Variants in GHR observed in about 807,000 individuals in gnomAD.
GHR encodes the protein growth hormone receptor.
In GHR, 35 loss-of-function variants were observed where a neutral mutation model predicts 67.1. The ratio of observed to expected loss-of-function variants is 0.52; its 90% CI spans 0.40 to 0.69. The LOEUF (loss-of-function observed/expected upper bound fraction) is 0.69. Among genes scored for constraint, GHR ranks in the 30% least tolerant of loss-of-function variants. The probability of loss-of-function intolerance (pLI) is 0.00; values close to 1 mark genes in which losing one functional copy is unlikely to be tolerated. For missense variants in GHR, 792 were observed against 764.6 expected (o/e 1.04, Z -0.42); for synonymous variants, 272 against 269.1 (o/e 1.01, Z -0.10).
chr5:42,547,952 C>A (rs911585502), intron 1 of GHR: 1 of 290,602 alleles, frequency 3.4e-6, no homozygotes, highest in Non-Finnish European at 5.1e-6. Flanking sequence ...TTCTTATACT[C>A]CTTAGAGAAG....
chr5:42,687,980 A>G (rs781768854), intron 3 of GHR, among the ~76,000 whole-genome samples: 6 of 152,258 alleles, frequency 3.9e-5, no homozygotes, highest in Non-Finnish European at 7.3e-5. Flanking sequence ...TCATAGATGC[A>G]GAGGAATTTT....
intron 2 of GHR, among the ~76,000 whole-genome samples, chr5:42,622,042 G>A (rs1753472259): frequency 6.6e-6 from 1 of 152,152 alleles, no homozygotes; most frequent in Non-Finnish European, 1.5e-5. Flanking sequence ...GCTTAGAAAT[G>A]TCACTGCACT....
chr5:42,452,114 C>T (rs1306777170), intron 1 of GHR, among the ~76,000 whole-genome samples: 1 of 152,172 alleles, frequency 6.6e-6, no homozygotes, highest in Non-Finnish European at 1.5e-5. Flanking sequence ...CAAATTCCCT[C>T]AACATTTGTT....
At chr5:42,646,526 G>A (rs897871968) in intron 3 of GHR, among the ~76,000 whole-genome samples, 3 of 152,108 alleles carry the variant, frequency 2.0e-5, no homozygotes, top group Non-Finnish European at 4.4e-5. Flanking sequence ...CATGGGGACA[G>A]AAATGTCTGC....
chr5:42,562,960 T>C (rs1749702354), intron 1 of GHR, among the ~76,000 whole-genome samples: 1 of 152,114 alleles, frequency 6.6e-6, no homozygotes, highest in South Asian at 2.1e-4. Flanking sequence ...AGTTCTTTAT[T>C]TGGAAGAAGT....
At chr5:42,426,097 A>G (rs532985747) in intron 1 of GHR, among the ~76,000 whole-genome samples, 91 of 152,356 alleles carry the variant, frequency 6.0e-4, no homozygotes, top group African/African-American at 2.2e-3. Context: ...GGCCTCCTGT[A>G]TGCTATCTCT....
chr5:42,458,633 A>G (rs1744359298), intron 1 of GHR, among the ~76,000 whole-genome samples: 1 of 152,226 alleles, frequency 6.6e-6, no homozygotes, highest in South Asian at 2.1e-4. Context: ...AAAAGCAAAA[A>G]TTGAGAAATG....
chr5:42,634,259 T>C (rs746708043), intron 3 of GHR, among the ~76,000 whole-genome samples: 1 of 152,188 alleles, frequency 6.6e-6, no homozygotes, highest in Non-Finnish European at 1.5e-5. Context: ...TTACGTGGTA[T>C]TTATTGTATT....
chr5:42,718,766 A>G lies in GHR; in HGVS notation c.1259A>G (p.Glu420Gly). Residue 420 changes from glutamate (E) to glycine (G), a missense_variant, in exon 10 of 10, where the codon GAA (glutamate) becomes GGA (glycine). Coordinates refer to ENST00000230882, the MANE Select transcript of GHR (RefSeq NM_000163.5). ...EVAQPQRLKG[E>G]ADLLCLDQKN... is the part of the protein sequence containing the mutation. The stretch of plus-strand genomic sequence containing the variant: ...GCTCAGCCACAGAGGTTAAAAGGGG[A>G]AGCAGATCTCTTATGCCTTGACCAG... 6.2e-7 allele frequency: 1 copy of G among 1,614,140 alleles called. No individual in the cohort carries two copies. The highest frequency in any genetic ancestry group is 1.6e-4 in the Middle Eastern group (1 of 6,062).
In GHR at chr5:42,693,252, C is replaced by T. The variant is rs557450473; in HGVS notation, c.267-1665C>T. On this transcript the variant is annotated intron_variant, in intron 4 of 9. Transcript: ENST00000230882. ...TCCTGCGTTCAAGCAATTCTCCTGC[C>T]TCAGCCTACCTACCGAATAGCTGGG... Among the ~76,000 whole-genome samples, 7 of 152,178 alleles carry T rather than the reference C, an allele frequency of 4.6e-5. No individual in the cohort carries two copies. In the South Asian group the frequency reaches 1.0e-3, roughly 23 times the overall value.
At chr5:42,701,296 C>T (rs1339472977) in intron 6 of GHR, among the ~76,000 whole-genome samples, 1 of 152,146 alleles carries the variant, frequency 6.6e-6, no homozygotes, top group Non-Finnish European at 1.5e-5. Flanking sequence ...AAGAAAAAGC[C>T]AGTTTCACGT....
chr5:42,640,250 G>T (rs1036335786), intron 3 of GHR, among the ~76,000 whole-genome samples: 1 of 152,036 alleles, frequency 6.6e-6, no homozygotes, highest in African/African-American at 2.4e-5. Flanking sequence ...TTGGGGAGCT[G>T]GGAACCATGA....
intron 1 of GHR, among the ~76,000 whole-genome samples, chr5:42,501,668 A>G (rs1746546043): frequency 6.6e-6 from 1 of 152,186 alleles, no homozygotes; most frequent in Non-Finnish European, 1.5e-5. Flanking sequence ...ACTCATGACA[A>G]CCAAAAATAT....
chr5:42,643,422 C>T (rs2112796814), intron 3 of GHR, among the ~76,000 whole-genome samples: 1 of 152,276 alleles, frequency 6.6e-6, no homozygotes, highest in African/African-American at 2.4e-5. Context: ...ACACTAATGA[C>T]TAAAGGAATA....
chr5:42,514,203 A>G (rs1390687594), intron 1 of GHR: 1 of 985,344 alleles, frequency 1.0e-6, no homozygotes, highest in South Asian at 4.7e-5. Flanking sequence ...ACTACCTACA[A>G]GTGCCTTCTG....
chr5:42,661,004 A>G (rs903866100), intron 3 of GHR, among the ~76,000 whole-genome samples: 8 of 152,248 alleles, frequency 5.3e-5, no homozygotes, highest in African/African-American at 1.9e-4. Flanking sequence ...TAGAAATGGT[A>G]TCAGTGATGG....
At chr5:42,637,252 T>C (rs1272556611) in intron 3 of GHR, among the ~76,000 whole-genome samples, 7 of 152,116 alleles carry the variant, frequency 4.6e-5, no homozygotes, top group Non-Finnish European at 1.0e-4. Context: ...TCTCTGGCCC[T>C]CTAAAAAAAA....
chr5:42,535,004 G>A (rs1561103492), intron 1 of GHR, among the ~76,000 whole-genome samples: 13 of 151,642 alleles, frequency 8.6e-5, no homozygotes. Context: ...GAGATTGCTT[G>A]TTTTTTTATT....
At chr5:42,506,751 A>C (rs903650487) in intron 1 of GHR, among the ~76,000 whole-genome samples, 1 of 152,238 alleles carries the variant, frequency 6.6e-6, no homozygotes, top group Non-Finnish European at 1.5e-5. Flanking sequence ...AGAGCCTATT[A>C]GAATTATATA....
Sources: gnomAD v4.1 joint callset for allele counts (sites outside exome capture counted in the v4.1 genomes callset) on GRCh38, gnomAD v4.1.1 for gene constraint, MANE v1.5 for transcripts, NCBI Gene and HGNC (gene_info 2026-07-23, HGNC 2026-07-21) for gene names.